Variants in WDR41 observed in about 807,000 individuals in gnomAD.
The protein encoded by WDR41 is WD repeat-containing protein 41.
WDR41 carries 63 observed loss-of-function variants against 69.3 expected under a neutral mutation model. The observed-to-expected ratio is 0.91, with a 90% CI of 0.74 to 1.12. The LOEUF (loss-of-function observed/expected upper bound fraction) is 1.12, where lower values mean the gene tolerates loss of function less well. Ranked by LOEUF, WDR41 falls within the 50% of genes most tolerant of loss-of-function variation. The pLI is 0.00. For missense variants in WDR41, 543 were observed against 534.5 expected (o/e 1.02, Z -0.16); for synonymous variants, 185 against 192.1 (o/e 0.96, Z 0.31).
chr5:77,483,527 T>G (rs1341679705), intron 2 of WDR41, among the ~76,000 whole-genome samples: 1 of 144,920 alleles, frequency 6.9e-6, no homozygotes, highest in Non-Finnish European at 1.5e-5. Context: ...TGTGTGTGTA[T>G]GCAACGTATG....
intron 1 of WDR41, among the ~76,000 whole-genome samples, chr5:77,611,222 C>T (rs1037258044): frequency 9.2e-5 from 14 of 152,090 alleles, no homozygotes; most frequent in Non-Finnish European, 1.3e-4. Flanking sequence ...CTTTAACACC[C>T]CACTGTCAAC....
intron 1 of WDR41, among the ~76,000 whole-genome samples, chr5:77,589,166 G>A (rs1031073849): frequency 6.6e-6 from 1 of 152,112 alleles, no homozygotes; most frequent in Admixed American, 6.5e-5. Context: ...TATTGATTTG[G>A]GGGTTACAAA....
chr5:77,518,825 T>C (rs1284441722), intron 1 of WDR41, among the ~76,000 whole-genome samples: 1 of 152,078 alleles, frequency 6.6e-6, no homozygotes, highest in Non-Finnish European at 1.5e-5. Context: ...TATGTCTAAA[T>C]AAATATATAT....
intron 1 of WDR41, among the ~76,000 whole-genome samples, chr5:77,490,616 G>A (rs1287944668): frequency 2.6e-5 from 4 of 151,396 alleles, no homozygotes; most frequent in African/African-American, 7.3e-5. Flanking sequence ...CCACCACAAA[G>A]CATTGATTTT....
intron 2 of WDR41, among the ~76,000 whole-genome samples, chr5:77,482,088 T>G (rs961029362): frequency 1.3e-5 from 2 of 152,180 alleles, no homozygotes; most frequent in African/African-American, 4.8e-5. Flanking sequence ...TATACAAAAG[T>G]GGAGAGAAGG....
intron 1 of WDR41, among the ~76,000 whole-genome samples, chr5:77,536,548 A>T (rs1332313267): frequency 6.6e-6 from 1 of 152,206 alleles, no homozygotes; most frequent in Non-Finnish European, 1.5e-5. Context: ...TTAAGAGTTA[A>T]GTACAGTCAT....
At chr5:77,519,963 A>G (rs1230827931) in intron 1 of WDR41, among the ~76,000 whole-genome samples, 1 of 151,960 alleles carries the variant, frequency 6.6e-6, no homozygotes, top group African/African-American at 2.4e-5. Flanking sequence ...TATTTTTTGT[A>G]AGTAAAAGAA....
At chr5:77,434,056 G>A (rs186767740) in intron 12 of WDR41, among the ~76,000 whole-genome samples, 36 of 152,328 alleles carry the variant, frequency 2.4e-4, no homozygotes, top group Admixed American at 2.6e-4. Context: ...AGGGCCGGGC[G>A]TGGTGGCTCA....
At chr5:77,545,667 G>A (rs912654058) in intron 1 of WDR41, 24 of 428,392 alleles carry the variant, frequency 5.6e-5, no homozygotes, top group African/African-American at 4.6e-4. Context: ...TTTTCCTGGG[G>A]GCCTCTCTCA....
chr5:77,545,963 G>A, intron 1 of WDR41: 3 of 489,524 alleles, frequency 6.1e-6, no homozygotes, highest in Non-Finnish European at 7.2e-6. Context: ...GCTCCGTGCT[G>A]GTGACCTCAT....
intron 2 of WDR41, among the ~76,000 whole-genome samples, chr5:77,470,837 T>C (rs1361756364): frequency 6.7e-6 from 1 of 149,066 alleles, no homozygotes; most frequent in Admixed American, 6.7e-5. Context: ...TGGGAGACTT[T>C]AACACCCTAC....
In WDR41 at chr5:77,459,111, T is replaced by A. The variant is rs1799942458; in HGVS notation, c.362A>T (p.Asp121Val). The change falls in exon 5 of 13, where the codon GAT becomes GTT. Residue 121 changes from aspartate (D) to valine (V), a missense_variant. Transcript: ENST00000296679. ...TATTCTCTGAACTTGTCTGGTAGTA[T>A]CACCATCCCACACCTAAATTTATGT... ...ADRTVIVWDG[D>V]TTRQVQRISC... 6.3e-7 allele frequency: 1 copy of A among 1,599,414 alleles called. No homozygotes were observed. Among genetic ancestry groups the A allele is most frequent in the Non-Finnish European group, 8.5e-7 (1 of 1,170,354 alleles).
At chr5:77,573,369 A>G (rs1037375923) in intron 1 of WDR41, among the ~76,000 whole-genome samples, 1 of 152,072 alleles carries the variant, frequency 6.6e-6, no homozygotes, top group African/African-American at 2.4e-5. Context: ...TGCCACACCT[A>G]TCAGATTCTC....
intron 1 of WDR41, among the ~76,000 whole-genome samples, chr5:77,512,769 G>A (rs1451704113): frequency 7.3e-6 from 1 of 137,266 alleles, no homozygotes; most frequent in Non-Finnish European, 1.6e-5. Context: ...AAAAAAAATT[G>A]GTCAGGCGGG....
At position 77,437,357 on chromosome 5, in the gene WDR41, C is replaced by T; in HGVS notation, c.1072G>A (p.Ala358Thr). 6.2e-7 allele frequency: 1 copy of T among 1,613,908 alleles called. No homozygotes were observed. Among genetic ancestry groups the T allele is most frequent in the Non-Finnish European group, 8.5e-7 (1 of 1,179,890 alleles). The part of the protein sequence containing the change: ...IWELREKQQL[A>T]AEPVPTGFFN... ...ACACCTGTTGGTACAGGCTCAGCTG[C>T]AAGCTGCTGTTTTTCTCTTAACTCC... The change falls in exon 11 of 13, where the codon GCA becomes ACA. Residue 358 changes from alanine (A) to threonine (T), a missense_variant. Ala to Thr is a moderately conservative substitution (Grantham distance 58). Coordinates refer to ENST00000296679, the MANE Select transcript of WDR41 (RefSeq NM_018268.4).
At chr5:77,450,928 C>T (rs1799602619) in intron 7 of WDR41, among the ~76,000 whole-genome samples, 1 of 152,142 alleles carries the variant, frequency 6.6e-6, no homozygotes, top group Non-Finnish European at 1.5e-5. Context: ...CATATTCAAA[C>T]TGTGGTTGTC....
chr5:77,483,547 ACTT>A (rs1801382447), intron 2 of WDR41, among the ~76,000 whole-genome samples: 1 of 150,528 alleles, frequency 6.6e-6, no homozygotes, highest in South Asian at 2.1e-4. Flanking sequence ...GCATTGATAT[ACTT>A]CTTTTTCGCT....
In WDR41 at chr5:77,500,731, A is replaced by G. The variant is rs1215099109; in HGVS notation, c.43-11159T>C. ...TCTTAGGGTTCAGATACCAAATCAT[A>G]ATGAAAATCCCAGAGGATTTCCTGT... On this transcript the variant is annotated intron_variant, in intron 1 of 5. Coordinates refer to the WDR41 transcript ENST00000509971. Among the ~76,000 whole-genome samples, 3 of 152,248 alleles carry G rather than the reference A, an allele frequency of 2.0e-5. No homozygotes were observed. The East Asian group carries it at 5.8e-4, about 29-fold the overall frequency.
chr5:77,563,049 C>T (rs1318998243), intron 1 of WDR41, among the ~76,000 whole-genome samples: 1 of 152,132 alleles, frequency 6.6e-6, no homozygotes, highest in African/African-American at 2.4e-5. Flanking sequence ...AGTACCGCAT[C>T]TATTTTATCT....
Sources: gnomAD v4.1 joint callset for allele counts (sites outside exome capture counted in the v4.1 genomes callset) on GRCh38, gnomAD v4.1.1 for gene constraint, MANE v1.5 for transcripts, NCBI Gene and HGNC (gene_info 2026-07-23, HGNC 2026-07-21) for gene names.